PTPRD: variants seen among roughly 807,000 people sequenced by gnomAD.
PTPRD encodes the protein receptor-type tyrosine-protein phosphatase delta.
A neutral mutation model predicts 214.5 loss-of-function variants in PTPRD; 34 were observed. That is an observed-to-expected ratio of 0.16 (90% confidence interval 0.12 to 0.21). The LOEUF (loss-of-function observed/expected upper bound fraction) is 0.21. Ranked by LOEUF, PTPRD falls within the 10% of genes least tolerant of loss-of-function variation. The pLI is 1.00. For missense variants in PTPRD, 2,545 were observed against 2,398.7 expected (o/e 1.06, Z -1.27); for synonymous variants, 1,128 against 845.7 (o/e 1.33, Z -5.79).
intron 34 of PTPRD, among the ~76,000 whole-genome samples, chr9:8,447,884 A>G (rs2095796936): frequency 6.6e-6 from 1 of 152,182 alleles, no homozygotes; most frequent in Non-Finnish European, 1.5e-5. Context: ...CCGTTTTTCT[A>G]TTTCCACAAC....
intron 11 of PTPRD, among the ~76,000 whole-genome samples, chr9:8,817,729 T>C (rs2096951223): frequency 6.6e-6 from 1 of 152,226 alleles, no homozygotes; most frequent in Non-Finnish European, 1.5e-5. Context: ...ATAAGCATAC[T>C]GATTATGGGA....
chr9:9,410,579 C>T (rs2141878278), intron 8 of PTPRD, among the ~76,000 whole-genome samples: 1 of 152,130 alleles, frequency 6.6e-6, no homozygotes, highest in East Asian at 1.9e-4. Context: ...ACTATGAATT[C>T]CTTGCTAGGA....
chr9:8,362,683 C>A, intron 39 of PTPRD, among the ~76,000 whole-genome samples: 1 of 152,206 alleles, frequency 6.6e-6, no homozygotes, highest in East Asian at 1.9e-4. Flanking sequence ...TCATCATAAT[C>A]ATCATCAGAG....
intron 5 of PTPRD, among the ~76,000 whole-genome samples, chr9:9,882,233 C>G (rs1229302678): frequency 6.6e-6 from 1 of 152,018 alleles, no homozygotes; most frequent in East Asian, 1.9e-4. Context: ...TATCATGTCT[C>G]TCATTTTTTT....
chr9:9,915,570 T>A (rs2080495178), intron 5 of PTPRD, among the ~76,000 whole-genome samples: 1 of 148,270 alleles, frequency 6.7e-6, no homozygotes, highest in African/African-American at 2.5e-5. Flanking sequence ...GTACTAAAGC[T>A]GAATAATTCA....
chr9:9,668,020 T>A (rs533076491), intron 7 of PTPRD, among the ~76,000 whole-genome samples: 1 of 152,114 alleles, frequency 6.6e-6, no homozygotes, highest in Non-Finnish European at 1.5e-5. Flanking sequence ...CAGATTATCA[T>A]CCATTTTCAA....
At chr9:9,885,922 T>C (rs1267011910) in intron 5 of PTPRD, among the ~76,000 whole-genome samples, 1 of 151,692 alleles carries the variant, frequency 6.6e-6, no homozygotes, top group African/African-American at 2.4e-5. Flanking sequence ...AAGAGATCTG[T>C]GAGTGTAGAT....
intron 2 of PTPRD, among the ~76,000 whole-genome samples, chr9:10,591,562 T>C (rs1198514312): frequency 6.6e-6 from 1 of 151,798 alleles, no homozygotes; most frequent in African/African-American, 2.4e-5. Flanking sequence ...TCTTATTCAT[T>C]GCAAGATCTA....
chr9:9,760,731 G>T (rs905725226), intron 6 of PTPRD, among the ~76,000 whole-genome samples: 1 of 151,564 alleles, frequency 6.6e-6, no homozygotes, highest in Admixed American at 6.6e-5. Context: ...TGAGGAAATA[G>T]GCAAACTACA....
chr9:9,661,167 G>A (rs1220176026), intron 7 of PTPRD, among the ~76,000 whole-genome samples: 2 of 151,772 alleles, frequency 1.3e-5, no homozygotes. Flanking sequence ...GAGAGGCTAT[G>A]CAAATTTTCT....
intron 35 of PTPRD, among the ~76,000 whole-genome samples, chr9:8,419,755 A>T (rs1393389649): frequency 6.6e-6 from 1 of 152,032 alleles, no homozygotes; most frequent in East Asian, 1.9e-4. Flanking sequence ...GAGAAACCCT[A>T]AGAAGTTCTG....
intron 35 of PTPRD, among the ~76,000 whole-genome samples, chr9:8,425,852 C>T (rs987761029): frequency 2.0e-5 from 3 of 152,086 alleles, no homozygotes; most frequent in Non-Finnish European, 4.4e-5. Flanking sequence ...CTAGCAGAGA[C>T]ATCAGGACAG....
chr9:9,034,528 A>T (rs2099615506), intron 10 of PTPRD, among the ~76,000 whole-genome samples: 1 of 152,174 alleles, frequency 6.6e-6, no homozygotes. Context: ...AACATGGGGA[A>T]TAATTCTTAT....
At chr9:10,578,972 G>T (rs931736370) in intron 2 of PTPRD, among the ~76,000 whole-genome samples, 1 of 151,874 alleles carries the variant, frequency 6.6e-6, no homozygotes, top group Non-Finnish European at 1.5e-5. Flanking sequence ...TTGTTACGTA[G>T]GTATACATGT....
At chr9:10,353,720 T>G (rs1007247903) in intron 2 of PTPRD, among the ~76,000 whole-genome samples, 2 of 151,942 alleles carry the variant, frequency 1.3e-5, no homozygotes, top group African/African-American at 4.8e-5. Flanking sequence ...ATTTAAAGTT[T>G]TTAACAACCG....
chr9:8,791,899 A>G (rs2096250447), intron 11 of PTPRD, among the ~76,000 whole-genome samples: 1 of 152,148 alleles, frequency 6.6e-6, no homozygotes, highest in African/African-American at 2.4e-5. Flanking sequence ...AGGCCAGGGA[A>G]TGACTGCAAT....
At chr9:8,537,302 T>C (rs1397138755) in intron 14 of PTPRD, among the ~76,000 whole-genome samples, 1 of 151,662 alleles carries the variant, frequency 6.6e-6, no homozygotes, top group Non-Finnish European at 1.5e-5. Context: ...TAATTACAAA[T>C]CAAATGCTAG....
chr9:9,128,586 T>C lies in PTPRD; in HGVS notation c.-143+54718A>G, dbSNP rs558983054. ...ACAGATTTGGGGGCTGTAAGTATAA[T>C]AGTCTATACATGTAGTTGCTTTAAA... On this transcript the variant is annotated intron_variant, in intron 10 of 45. Coordinates refer to ENST00000381196, the MANE Select transcript of PTPRD (RefSeq NM_002839.4). Among the ~76,000 whole-genome samples the C allele has an allele frequency of 2.6e-5, 4 of 152,346 alleles. 1 individual carries two copies. The South Asian group carries it at 8.3e-4, about 32-fold the overall frequency.
intron 3 of PTPRD, among the ~76,000 whole-genome samples, chr9:10,236,754 G>T (rs925354319): frequency 1.3e-5 from 2 of 151,792 alleles, no homozygotes; most frequent in Non-Finnish European, 2.9e-5. Flanking sequence ...TTTGAAATAA[G>T]CCTTCATGTT....
Sources: gnomAD v4.1 joint callset for allele counts (sites outside exome capture counted in the v4.1 genomes callset) on GRCh38, gnomAD v4.1.1 for gene constraint, MANE v1.5 for transcripts, NCBI Gene and HGNC (gene_info 2026-07-23, HGNC 2026-07-21) for gene names.